Variants in TTLL6 observed in about 807,000 individuals in gnomAD.
TTLL6 encodes the protein tubulin tyrosine ligase like 6.
In TTLL6, 75 loss-of-function variants were observed where a neutral mutation model predicts 96.4. The observed-to-expected ratio is 0.78, with a 90% CI of 0.65 to 0.94. The LOEUF is 0.94. TTLL6 is among the 40% of genes least tolerant of loss of function. The pLI, the probability that TTLL6 is intolerant of heterozygous loss-of-function variation, is 0.00. For missense variants in TTLL6, 1,030 were observed against 1,093.0 expected (o/e 0.94, Z 0.81); for synonymous variants, 411 against 419.4 (o/e 0.98, Z 0.24).
In TTLL6 at chr17:48,787,895, G is replaced by A. The variant is rs376317719; in HGVS notation, c.1505C>T (p.Ser502Leu). Residue 502 changes from serine to leucine, a missense_variant, in exon 11 of 16, where the codon TCG (serine) becomes TTG (leucine). By Grantham distance (145) the Ser-to-Leu change is moderately radical. Coordinates refer to ENST00000393382, the MANE Select transcript of TTLL6 (RefSeq NM_001130918.3). ...GFRLIYPSLN[S>L]EKYEKFFQDN... is the part of the protein sequence containing the mutation. ...CTGGAAAAACTTCTCATACTTCTCC[G>A]AATTCAGACTGGGATAAATCAGTCG... 1.3e-4 allele frequency: 208 copies of A among 1,613,980 alleles called. No homozygotes were observed. Among genetic ancestry groups the A allele is most frequent in the Non-Finnish European group, 1.5e-4 (176 of 1,180,014 alleles).
intron 13 of TTLL6, among the ~76,000 whole-genome samples, chr17:48,774,163 T>C (rs2038817273): frequency 7.5e-6 from 1 of 134,022 alleles, no homozygotes; most frequent in African/African-American, 2.8e-5. Context: ...TATTAATAAA[T>C]AGCAGAAATC....
At chr17:48,771,652 T>C (rs2038749196) in intron 13 of TTLL6, among the ~76,000 whole-genome samples, 1 of 143,966 alleles carries the variant, frequency 6.9e-6, no homozygotes, top group Middle Eastern at 3.4e-3. Context: ...ATAAAATGTG[T>C]ATATATACAC....
chr17:48,771,666 A>AAT (rs1371775200), intron 13 of TTLL6, among the ~76,000 whole-genome samples: 2 of 133,362 alleles, frequency 1.5e-5, no homozygotes. Flanking sequence ...TATACACATT[A>AAT]GTGTATATAT....
At chr17:48,792,214 G>C (rs182728925) in intron 8 of TTLL6, among the ~76,000 whole-genome samples, 3 of 152,184 alleles carry the variant, frequency 2.0e-5, no homozygotes, top group Non-Finnish European at 2.9e-5. Flanking sequence ...GTGGGCAAAC[G>C]GAGACAGCTG....
At chr17:48,777,538 C>T (rs1338982722) in intron 13 of TTLL6, among the ~76,000 whole-genome samples, 2 of 152,074 alleles carry the variant, frequency 1.3e-5, no homozygotes, top group Non-Finnish European at 2.9e-5. Flanking sequence ...CGAGACCAAC[C>T]TGGCCAACCT....
intron 13 of TTLL6, among the ~76,000 whole-genome samples, chr17:48,778,015 G>A (rs574116770): frequency 5.3e-5 from 8 of 152,184 alleles, no homozygotes; most frequent in Admixed American, 3.9e-4. Context: ...GGTGGCTCAC[G>A]CCTGTAATCC....
chr17:48,792,979 C>T (rs1473150965), intron 8 of TTLL6, among the ~76,000 whole-genome samples: 1 of 152,084 alleles, frequency 6.6e-6, no homozygotes, highest in African/African-American at 2.4e-5. Context: ...TTTCATAATG[C>T]CCAGTGGTAA....
intron 1 of TTLL6, among the ~76,000 whole-genome samples, chr17:48,810,785 A>G (rs8072798): frequency 0.22 from 21,556 of 97,894 alleles, 2,676 homozygotes; most frequent in Non-Finnish European, 0.24. Context: ...ATGTGTGTAT[A>G]TATATATAGT....
intron 13 of TTLL6, among the ~76,000 whole-genome samples, chr17:48,777,377 C>T (rs2038895772): frequency 6.6e-6 from 1 of 151,978 alleles, no homozygotes; most frequent in Admixed American, 6.6e-5. Flanking sequence ...GGAGGATCAC[C>T]TGAGGTCAGG....
intron 8 of TTLL6, 101 bp from the exon 9 acceptor site, chr17:48,791,704 C>T (rs1363915244): frequency 4.9e-6 from 5 of 1,023,236 alleles, no homozygotes; most frequent in Non-Finnish European, 5.7e-6. Flanking sequence ...GACAAGGCTC[C>T]AGAGCCAGCG....
rs752755363 is a variant in TTLL6, at chr17:48,802,063, GA to G, written c.362-421del. ...TCAAAAAAAAAAGAAAGAAAGAAAA[GA>G]AAAGAAAGAAAGAAAAAGAAAGAAA... On this transcript the variant is annotated intron_variant, in intron 3 of 15. Coordinates refer to ENST00000393382, the MANE Select transcript of TTLL6 (RefSeq NM_001130918.3). Among the ~76,000 whole-genome samples the G allele has an allele frequency of 3.3e-3, 320 of 97,058 alleles. 2 individuals are homozygous for G. Among genetic ancestry groups the G allele is most frequent in the Middle Eastern group, 5.1e-3 (1 of 198 alleles). The allele number at this position is 97,058 out of a possible 152,430, so 63.7% of individuals were successfully genotyped here.
intron 13 of TTLL6, among the ~76,000 whole-genome samples, chr17:48,776,085 G>C (rs919095074): frequency 3.3e-5 from 5 of 152,058 alleles, no homozygotes; most frequent in African/African-American, 1.2e-4. Flanking sequence ...ACTAATGATT[G>C]GAAAGAAATA....
At chr17:48,775,548 T>TATTATG (rs1237364611) in intron 13 of TTLL6, among the ~76,000 whole-genome samples, 4 of 149,674 alleles carry the variant, frequency 2.7e-5, no homozygotes, top group Admixed American at 6.7e-5. Context: ...TTATTATTAT[T>TATTATG]ATTATTATTT....
intron 15 of TTLL6, among the ~76,000 whole-genome samples, chr17:48,764,091 G>T (rs1349193210): frequency 6.6e-6 from 1 of 151,944 alleles, no homozygotes; most frequent in Non-Finnish European, 1.5e-5. Context: ...AGCCATGATA[G>T]TGCCACTGCA....
At chr17:48,794,182 A>C in intron 8 of TTLL6, 1 of 1,613,910 alleles carries the variant, frequency 6.2e-7, no homozygotes, top group Non-Finnish European at 8.5e-7. Context: ...GCAGAACAAC[A>C]CTTGAAGCCT....
chr17:48,790,042 A>G lies in TTLL6; in HGVS notation c.1289T>C (p.Leu430Pro), dbSNP rs747160744. The G allele has an allele frequency of 3.1e-6, 5 of 1,614,200 alleles. No individual in the cohort carries two copies. In the East Asian group the frequency reaches 1.1e-4, roughly 36 times the overall value. The change falls in exon 10 of 16, where the codon CTG becomes CCG. Residue 430 changes from leucine (L) to proline (P), a missense_variant. Coordinates refer to ENST00000393382, the MANE Select transcript of TTLL6 (RefSeq NM_001130918.3). ...GTTGATCAGGACTAAGGTGTCATAC[A>G]GCAGACCATCTTTCACCTCTTTATC... ...RLDKEVKDGLLYDTLVLINLE... is the reference protein window; with the variant it reads ...RLDKEVKDGLPYDTLVLINLE...
At chr17:48,786,444 A>C in intron 11 of TTLL6, 109 bp from the exon 12 acceptor site, 1 of 1,269,940 alleles carries the variant, frequency 7.9e-7, no homozygotes, top group South Asian at 1.3e-5. Context: ...CAAGTTCCAC[A>C]TTCCCTCCTC....
At chr17:48,804,431 C>T (rs761610330) in intron 2 of TTLL6, 39 of 502,052 alleles carry the variant, frequency 7.8e-5, no homozygotes, top group Non-Finnish European at 1.4e-4. Context: ...CAGTATGGTG[C>T]TATCATACTG....
At chr17:48,779,836 G>A (rs1015574818) in intron 13 of TTLL6, among the ~76,000 whole-genome samples, 3 of 152,074 alleles carry the variant, frequency 2.0e-5, no homozygotes, top group South Asian at 2.1e-4. Flanking sequence ...TTCCATTTAC[G>A]TAAAATTCTA....
Sources: allele counts gnomAD v4.1 joint callset (sites outside exome capture counted in the v4.1 genomes callset), GRCh38; gene constraint gnomAD v4.1.1; transcripts MANE v1.5; gene names NCBI Gene and HGNC (gene_info 2026-07-23, HGNC 2026-07-21).